KIF26B: variants seen among roughly 807,000 people sequenced by gnomAD.
KIF26B encodes kinesin family member 26B.
KIF26B carries 63 observed loss-of-function variants against 151.2 expected under a neutral mutation model. The observed-to-expected ratio is 0.42, with a 90% CI of 0.34 to 0.51. KIF26B has a LOEUF of 0.51. Ranked by LOEUF, KIF26B falls within the 20% of genes least tolerant of loss-of-function variation. The pLI is 0.07. For synonymous variants in KIF26B, 1,357 were observed against 1,262.1 expected (o/e 1.08, Z -1.59); for missense variants, 2,813 against 2,913.6 (o/e 0.97, Z 0.79).
chr1:245,398,743 A>C (rs1290044476), intron 3 of KIF26B, among the ~76,000 whole-genome samples: 1 of 151,552 alleles, frequency 6.6e-6, no homozygotes, highest in Non-Finnish European at 1.5e-5. Context: ...TAATTTTTAT[A>C]AAATGATAGA....
intron 2 of KIF26B, among the ~76,000 whole-genome samples, chr1:245,204,267 C>T (rs926151878): frequency 6.6e-6 from 1 of 152,186 alleles, no homozygotes; most frequent in African/African-American, 2.4e-5. Flanking sequence ...ATAATTCATA[C>T]AGGAGACTTT....
chr1:245,362,788 T>C (rs1672854848), intron 2 of KIF26B, among the ~76,000 whole-genome samples: 1 of 152,178 alleles, frequency 6.6e-6, no homozygotes, highest in African/African-American at 2.4e-5. Flanking sequence ...ACGTGTCTTC[T>C]TGTATTCCTC....
chr1:245,276,780 G>A (rs181009612), intron 2 of KIF26B, among the ~76,000 whole-genome samples: 1 of 152,112 alleles, frequency 6.6e-6, no homozygotes, highest in Non-Finnish European at 1.5e-5. Context: ...TTCTCACAAA[G>A]GGAAGTAGTC....
At position 245,609,256 on chromosome 1, in the gene KIF26B, G is replaced by T. The variant is rs184798035; in HGVS notation, c.1652-10G>T. The T allele has an allele frequency of 1.9e-6, 3 of 1,586,444 alleles. No individual in the cohort carries two copies. The highest frequency in any genetic ancestry group is 2.7e-5 in the African/African-American group (2 of 74,278). ...TGAACCTGCTTTTCTTCCTTCCCTG[G>T]TTCTCCCAGGAAAATCCTACACCAT... On this transcript the variant is annotated splice_polypyrimidine_tract_variant and intron_variant, in intron 7 of 14. Transcript: ENST00000407071.
intron 2 of KIF26B, among the ~76,000 whole-genome samples, chr1:245,344,825 G>C (rs1353445005): frequency 6.6e-6 from 1 of 151,744 alleles, no homozygotes; most frequent in Non-Finnish European, 1.5e-5. Context: ...CGTATCCCTT[G>C]ACAACTTGAC....
chr1:245,421,561 A>G (rs1658487389), intron 4 of KIF26B, among the ~76,000 whole-genome samples: 1 of 152,138 alleles, frequency 6.6e-6, no homozygotes, highest in Admixed American at 6.5e-5. Flanking sequence ...GGAACATTCA[A>G]TGCTCAGATG....
Position 245,366,921 on chromosome 1 carries a change from G to C in KIF26B, c.553G>C (p.Asp185His). ...KAWNDRDNRC[D>H]ICATHLNQLK... ...ATGGAACGACCGGGACAACCGCTGT[G>C]ACATTTGCGCCACTCACCTGAACCA... Residue 185 changes from aspartate (D) to histidine (H), a missense_variant, in exon 3 of 15, where the codon GAC becomes CAC. Coordinates refer to ENST00000407071, the MANE Select transcript of KIF26B (RefSeq NM_018012.4). The C allele has an allele frequency of 6.2e-7, 1 of 1,614,032 alleles. No homozygotes were observed. The highest frequency in any genetic ancestry group is 8.5e-7 in the Non-Finnish European group (1 of 1,179,890).
intron 2 of KIF26B, among the ~76,000 whole-genome samples, chr1:245,284,181 C>T (rs536175273): frequency 6.6e-6 from 1 of 152,208 alleles, no homozygotes; most frequent in South Asian, 2.1e-4. Flanking sequence ...TCCTTTTGAA[C>T]TTTTTATCAA....
chr1:245,465,945 C>A (rs556378524), intron 4 of KIF26B, among the ~76,000 whole-genome samples: 1 of 152,360 alleles, frequency 6.6e-6, no homozygotes, highest in East Asian at 1.9e-4. Context: ...GTCGAGGCAG[C>A]TTGCATCCGT....
chr1:245,525,422 A>C (rs1661217639), intron 4 of KIF26B, among the ~76,000 whole-genome samples: 1 of 152,228 alleles, frequency 6.6e-6, no homozygotes, highest in Non-Finnish European at 1.5e-5. Context: ...GATAGAGAGA[A>C]AGCACAGTTA....
At chr1:245,395,827 A>C (rs942165142) in intron 3 of KIF26B, among the ~76,000 whole-genome samples, 1 of 152,142 alleles carries the variant, frequency 6.6e-6, no homozygotes, top group Non-Finnish European at 1.5e-5. Flanking sequence ...AAAGGGCAAA[A>C]TTTGGAGCCA....
In KIF26B at chr1:245,698,752, G is replaced by T; in HGVS notation, c.6028-135G>T. The T allele has an allele frequency of 9.7e-7, 1 of 1,033,528 alleles. No individual in the cohort carries two copies. Among genetic ancestry groups the T allele is most frequent in the Non-Finnish European group, 1.4e-6 (1 of 717,868 alleles). The allele number at this position is 1,033,528 out of a possible 1,614,324, so 64.0% of individuals were successfully genotyped here. The stretch of plus-strand genomic sequence containing the variant: ...ATTGAGGTCTGTCAAGGGAGAATTT[G>T]GTGGGGATGACCCATGTCCCTCCCA... On this transcript the variant is annotated intron_variant, in intron 13 of 14. Coordinates refer to ENST00000407071, the MANE Select transcript of KIF26B (RefSeq NM_018012.4). The surrounding 1 kb of genome is among the most constrained non-coding windows in gnomAD (Gnocchi z 4.0).
At chr1:245,315,298 C>A (rs1265705437) in intron 2 of KIF26B, among the ~76,000 whole-genome samples, 4 of 152,144 alleles carry the variant, frequency 2.6e-5, no homozygotes, top group Non-Finnish European at 5.9e-5. Context: ...TGGATGGTGG[C>A]AACAGTTGCA....
At chr1:245,325,207 T>G (rs1413258819) in intron 2 of KIF26B, among the ~76,000 whole-genome samples, 2 of 152,076 alleles carry the variant, frequency 1.3e-5, no homozygotes, top group African/African-American at 4.8e-5. Flanking sequence ...TGTGTACCCA[T>G]GCTTCTTTAT....
At chr1:245,373,769 A>T (rs960873241) in intron 3 of KIF26B, among the ~76,000 whole-genome samples, 1 of 152,010 alleles carries the variant, frequency 6.6e-6, no homozygotes, top group African/African-American at 2.4e-5. Flanking sequence ...ACATTTTAAG[A>T]TATGAGCACA....
intron 2 of KIF26B, among the ~76,000 whole-genome samples, chr1:245,237,058 A>G (rs980056843): frequency 1.3e-5 from 2 of 152,228 alleles, no homozygotes; most frequent in Non-Finnish European, 2.9e-5. Flanking sequence ...TTTGTCTGCA[A>G]TGAAGATCGT....
At chr1:245,220,298 C>A (rs186118418) in intron 2 of KIF26B, among the ~76,000 whole-genome samples, 1 of 152,152 alleles carries the variant, frequency 6.6e-6, no homozygotes, top group Admixed American at 6.5e-5. Context: ...TGGATGTTCC[C>A]GTCTAATTCT....
chr1:245,266,937 C>T (rs1670757183), intron 2 of KIF26B, among the ~76,000 whole-genome samples: 1 of 152,198 alleles, frequency 6.6e-6, no homozygotes, highest in Admixed American at 6.5e-5. Flanking sequence ...AATGCAGACA[C>T]TTTTATTAAC....
At chr1:245,539,901 C>CAT (rs1265670976) in intron 4 of KIF26B, among the ~76,000 whole-genome samples, 6 of 152,208 alleles carry the variant, frequency 3.9e-5, no homozygotes, top group Non-Finnish European at 7.3e-5. Context: ...GAGCTGCCTG[C>CAT]CTCGGCCTCC....
Sources: gnomAD v4.1 joint callset for allele counts (sites outside exome capture counted in the v4.1 genomes callset) on GRCh38, gnomAD v4.1.1 for gene constraint, Gnocchi (gnomAD v3.1) non-coding constraint, MANE v1.5 for transcripts, NCBI Gene and HGNC (gene_info 2026-07-23, HGNC 2026-07-21) for gene names.